The following NAV3 variants were observed in gnomAD, a reference collection of about 807,000 sequenced individuals.
The protein encoded by NAV3 is pore membrane and/or filament interacting like protein 1.
NAV3 carries 87 observed loss-of-function variants against 244.7 expected under a neutral mutation model. The observed-to-expected ratio is 0.36, with a 90% confidence interval of 0.30 to 0.42. The LOEUF is 0.42. NAV3 is among the 20% of genes least tolerant of loss of function. NAV3 has a pLI of 1.00. For synonymous variants in NAV3, 1,126 were observed against 1,042.2 expected, an observed-to-expected ratio of 1.08 and a Z score of -1.55; for missense variants, 2,663 against 2,893.3, an observed-to-expected ratio of 0.92 and a Z score of 1.83.
At chr12:77,967,730 A>G (rs921504886) in intron 4 of NAV3, among the ~76,000 whole-genome samples, 1 of 152,036 alleles carries the variant, frequency 6.6e-6, no homozygotes, top group Non-Finnish European at 1.5e-5. Flanking sequence ...TGTACCCTAC[A>G]TTGTGAATTG....
chr12:77,887,324 T>C (rs1883411671), intron 1 of NAV3, among the ~76,000 whole-genome samples: 1 of 152,178 alleles, frequency 6.6e-6, no homozygotes, highest in African/African-American at 2.4e-5. Flanking sequence ...GGTTGAATCC[T>C]TAAAACTACA....
At chr12:77,918,278 T>C (rs1887360542) in intron 1 of NAV3, among the ~76,000 whole-genome samples, 1 of 152,088 alleles carries the variant, frequency 6.6e-6, no homozygotes, top group Non-Finnish European at 1.5e-5. Flanking sequence ...GTCAGGGCTA[T>C]TTTGTTTTAG....
At chr12:77,576,399 C>T (rs1031191840) in intron 2 of NAV3, among the ~76,000 whole-genome samples, 1 of 151,894 alleles carries the variant, frequency 6.6e-6, no homozygotes, top group Non-Finnish European at 1.5e-5. Context: ...CTTTCTCTTT[C>T]AACTGACATC....
At chr12:77,889,819 C>A (rs73342745) in intron 1 of NAV3, among the ~76,000 whole-genome samples, 1,536 of 152,150 alleles carry the variant, frequency 0.01, 24 homozygotes, top group African/African-American at 0.035. Flanking sequence ...CATATTTTAG[C>A]ATAAGAAAAT....
chr12:77,803,354 A>G (rs1204324533), intron 2 of NAV3, among the ~76,000 whole-genome samples: 2 of 152,128 alleles, frequency 1.3e-5, no homozygotes, highest in African/African-American at 4.8e-5. Context: ...TTCAACTCCC[A>G]TGTATGAGTG....
chr12:78,150,514 T>C (rs1488049301), intron 22 of NAV3, among the ~76,000 whole-genome samples: 20 of 144,066 alleles, frequency 1.4e-4, no homozygotes, highest in Non-Finnish European at 2.9e-4. Flanking sequence ...TTTTGTTTTT[T>C]TTTCTCTGAG....
intron 2 of NAV3, among the ~76,000 whole-genome samples, chr12:77,785,437 G>A (rs1432462460): frequency 6.6e-6 from 1 of 152,086 alleles, no homozygotes; most frequent in Non-Finnish European, 1.5e-5. Context: ...TGGATGTTAG[G>A]CAGACAGATG....
intron 2 of NAV3, among the ~76,000 whole-genome samples, chr12:77,610,874 G>T (rs1280630803): frequency 6.6e-6 from 1 of 151,770 alleles, no homozygotes; most frequent in Non-Finnish European, 1.5e-5. Flanking sequence ...ATGAAGATGT[G>T]TGTGATTGAT....
intron 9 of NAV3, among the ~76,000 whole-genome samples, chr12:78,030,002 A>ATT (rs1400812344): frequency 6.6e-6 from 1 of 152,176 alleles, no homozygotes; most frequent in Non-Finnish European, 1.5e-5. Context: ...CATGCAAAAA[A>ATT]TTTTTAAAAA....
chr12:77,990,678 TC>T (rs1239457885), intron 5 of NAV3, among the ~76,000 whole-genome samples: 2 of 152,224 alleles, frequency 1.3e-5, no homozygotes, highest in African/African-American at 4.8e-5. Flanking sequence ...TCATTTAACA[TC>T]CTTGTGTTAA....
At chr12:77,940,505 A>C in intron 2 of NAV3, 69 bp downstream of exon 2, 4 of 1,211,288 alleles carry the variant, frequency 3.3e-6, no homozygotes, top group Non-Finnish European at 4.8e-6. Flanking sequence ...GCACAACTTA[A>C]GTTAAGCGCC....
At position 78,197,305 on chromosome 12, in the gene NAV3, T is replaced by G. The variant is rs777718653; in HGVS notation, c.6350T>G (p.Val2117Gly). The part of the protein sequence containing the change: ...AEQCSADNNG[V>G]ELPVVIILDN... ...CAGTGCAGTGCTGATAATAATGGAG[T>G]GGAGCTCCCAGTTGTAATAATTCTT... Residue 2117 changes from valine to glycine, a missense_variant, in exon 35 of 40, where the codon GTG becomes GGG. By Grantham distance (109) the Val-to-Gly change is moderately radical. Coordinates refer to ENST00000397909, the MANE Select transcript of NAV3 (RefSeq NM_001024383.2). The G allele has an allele frequency of 3.1e-6, 5 of 1,608,598 alleles. No homozygotes were observed. In the Admixed American group the frequency reaches 8.4e-5, roughly 27 times the overall value.
intron 13 of NAV3, among the ~76,000 whole-genome samples, chr12:78,117,158 C>CTTATATATACATAT (rs1555292748): frequency 1.4e-5 from 1 of 70,370 alleles, no homozygotes; most frequent in Non-Finnish European, 2.6e-5. Context: ...ACAGAAGCAG[C>CTTATATATACATAT]ATATATATAT....
intron 2 of NAV3, among the ~76,000 whole-genome samples, chr12:77,627,188 T>C (rs1039657043): frequency 3.3e-5 from 5 of 152,008 alleles, no homozygotes; most frequent in African/African-American, 1.2e-4. Flanking sequence ...AGTGAAGGGA[T>C]GAAATAAAAA....
chr12:78,175,432 G>T lies in NAV3; in HGVS notation c.5103+5G>T. The stretch of plus-strand genomic sequence containing the variant: ...AAGAAGAAAAAGAAAAACTGGGTAA[G>T]TTACCATCCTTCATCTAATTCAGAA... On this transcript the variant is annotated splice_donor_5th_base_variant and intron_variant, in intron 25 of 39. Transcript: ENST00000397909. 1 of 1,607,882 alleles carries T rather than the reference G, an allele frequency of 6.2e-7. No individual in the cohort carries two copies. Among genetic ancestry groups the T allele is most frequent in the Non-Finnish European group, 8.5e-7 (1 of 1,177,290 alleles).
chr12:78,185,628 C>A lies in NAV3; in HGVS notation c.5720C>A (p.Ala1907Glu), dbSNP rs1958680746. The A allele has an allele frequency of 6.2e-7, 1 of 1,608,374 alleles. No individual in the cohort carries two copies. The highest frequency in any genetic ancestry group is 8.5e-7 in the Non-Finnish European group (1 of 1,177,298). ...ATTTTGCTAGATGATGCTGGTGATG[C>A]AACTGGACATAAAGATGGCCGCAGT... ...SDILLDDAGD[A>E]TGHKDGRSVK... The change falls in exon 31 of 40, where the codon GCA (alanine) becomes GAA (glutamate). Residue 1907 changes from alanine to glutamate, a missense_variant. Ala to Glu is a moderately radical substitution (Grantham distance 107). Around this residue, in one of 6 missense-constraint regions of NAV3, gnomAD observed 543 missense variants for 672.4 expected, o/e 0.81. Transcript: ENST00000397909.
At chr12:77,903,105 G>T (rs535259507) in intron 1 of NAV3, among the ~76,000 whole-genome samples, 3 of 152,198 alleles carry the variant, frequency 2.0e-5, no homozygotes, top group African/African-American at 7.2e-5. Context: ...TCCCCATCAA[G>T]CTACCAATGA....
intron 12 of NAV3, among the ~76,000 whole-genome samples, chr12:78,093,852 G>A (rs766913532): frequency 1.8e-4 from 27 of 151,792 alleles, no homozygotes; most frequent in Non-Finnish European, 8.8e-5. Context: ...CTTTTTTAGA[G>A]ATAGGGCCTC....
chr12:77,976,996 A>G (rs1302479563), intron 5 of NAV3, among the ~76,000 whole-genome samples: 1 of 152,052 alleles, frequency 6.6e-6, no homozygotes, highest in Non-Finnish European at 1.5e-5. Context: ...CTCAATATTA[A>G]TTTTGACATA....
Sources: gnomAD v4.1 joint callset for allele counts (sites outside exome capture counted in the v4.1 genomes callset) on GRCh38, gnomAD v4.1.1 for gene constraint, gnomAD v4.1.1 regional missense constraint, MANE v1.5 for transcripts, NCBI Gene and HGNC (gene_info 2026-07-23, HGNC 2026-07-21) for gene names.